MTCL2: variants seen among roughly 807,000 people sequenced by gnomAD.
MTCL2 encodes the protein microtubule crosslinking factor 2, also known as microtubule cross-linking factor 2.
the MTCL2 span, among the ~76,000 whole-genome samples, chr20:36,857,279 GTGTTTCTGACGTGGGGGT>G: frequency 6.6e-6 from 1 of 152,156 alleles, no homozygotes; most frequent in East Asian, 1.9e-4. Flanking sequence ...ATATGAGAAT[GTGTTTCTGACGTGGGGGT>G]TGCAGCAGGG....
At chr20:36,796,642 G>T in the MTCL2 span, among the ~76,000 whole-genome samples, 1 of 152,228 alleles carries the variant, frequency 6.6e-6, no homozygotes, top group Non-Finnish European at 1.5e-5. Flanking sequence ...ACATGCAGCA[G>T]CCTGGAATTC....
the MTCL2 span, among the ~76,000 whole-genome samples, chr20:36,845,762 G>A: frequency 3.3e-5 from 5 of 152,190 alleles, no homozygotes; most frequent in Non-Finnish European, 7.3e-5. Flanking sequence ...AGAATGTTCT[G>A]GGGCTCTGTG....
the MTCL2 span, chr20:36,862,824 G>T: frequency 1.5e-6 from 2 of 1,331,088 alleles, no homozygotes; most frequent in African/African-American, 1.5e-5. Flanking sequence ...GTCCGGGGAG[G>T]CGGGCGGCCG....
the MTCL2 span, among the ~76,000 whole-genome samples, chr20:36,860,976 C>T: frequency 6.6e-6 from 1 of 152,200 alleles, no homozygotes; most frequent in African/African-American, 2.4e-5. Flanking sequence ...GTGCCTCAAA[C>T]AGACTTTGGG....
the MTCL2 span, chr20:36,815,448 T>C: frequency 1.2e-6 from 2 of 1,609,732 alleles, no homozygotes; most frequent in Non-Finnish European, 1.7e-6. The surrounding 1 kb of genome is among the most constrained non-coding windows in gnomAD (Gnocchi z 5.3). Context: ...ATCGATGGCC[T>C]TACTGACCAG....
the MTCL2 span, chr20:36,793,590 C>A: frequency 6.4e-7 from 1 of 1,551,690 alleles, no homozygotes. This position sits in a 1 kb window ranked among gnomAD's most constrained non-coding sequence, Gnocchi z 6.8. Flanking sequence ...TGCTCCACCA[C>A]ACTGAAGAGG....
chr20:36,853,861 G>T, the MTCL2 span, among the ~76,000 whole-genome samples: 1 of 152,108 alleles, frequency 6.6e-6, no homozygotes, highest in African/African-American at 2.4e-5. Context: ...CAGGCCCTAC[G>T]GCCTCTGGGG....
the MTCL2 span, among the ~76,000 whole-genome samples, chr20:36,789,152 G>A: frequency 6.6e-6 from 1 of 152,158 alleles, no homozygotes; most frequent in Non-Finnish European, 1.5e-5. Context: ...TCAATGGGTA[G>A]CACGCACATT....
chr20:36,787,526 A>C, the MTCL2 span, among the ~76,000 whole-genome samples: 1 of 152,120 alleles, frequency 6.6e-6, no homozygotes, highest in South Asian at 2.1e-4. Context: ...CCTGGCCCCA[A>C]TTCACTTTTT....
chr20:36,835,831 C>A, the MTCL2 span, among the ~76,000 whole-genome samples: 6 of 152,156 alleles, frequency 3.9e-5, no homozygotes, highest in Non-Finnish European at 7.4e-5. Flanking sequence ...GAGCCACACA[C>A]CCGCTCCCCA....
At chr20:36,796,689 G>C in the MTCL2 span, among the ~76,000 whole-genome samples, 1 of 152,142 alleles carries the variant, frequency 6.6e-6, no homozygotes, top group Non-Finnish European at 1.5e-5. Context: ...GAGTGGCTCG[G>C]GTTCCAGAGA....
At chr20:36,804,729 G>A in the MTCL2 span, 3 of 1,611,292 alleles carry the variant, frequency 1.9e-6, no homozygotes, top group African/African-American at 2.7e-5. Flanking sequence ...CAGGTGGGGG[G>A]CTCACCTGGG....
At chr20:36,823,866 G>C in the MTCL2 span, among the ~76,000 whole-genome samples, 1 of 152,096 alleles carries the variant, frequency 6.6e-6, no homozygotes, top group Admixed American at 6.6e-5. Context: ...TATCATTTCC[G>C]CAAGGTTACA....
At chr20:36,833,824 C>G in the MTCL2 span, among the ~76,000 whole-genome samples, 1 of 151,516 alleles carries the variant, frequency 6.6e-6, no homozygotes, top group South Asian at 2.1e-4. Context: ...CGTACTGCAG[C>G]CTGGGTGACA....
chr20:36,848,266 C>G, the MTCL2 span, among the ~76,000 whole-genome samples: 14 of 152,326 alleles, frequency 9.2e-5, no homozygotes, highest in African/African-American at 3.4e-4. Flanking sequence ...CTCACCCACC[C>G]ACTCCCTGCC....
At chr20:36,863,228 G>A in the MTCL2 span, 1 of 1,201,728 alleles carries the variant, frequency 8.3e-7, no homozygotes, top group African/African-American at 1.6e-5. The surrounding 1 kb of genome is among the most constrained non-coding windows in gnomAD (Gnocchi z 6.2). Flanking sequence ...CCACGTCTTT[G>A]GGCCGGGCCG....
the MTCL2 span, among the ~76,000 whole-genome samples, chr20:36,814,594 T>A: frequency 6.6e-6 from 1 of 151,660 alleles, no homozygotes; most frequent in African/African-American, 2.4e-5. Flanking sequence ...ACAAAAAAAT[T>A]TAAAAATTAT....
the MTCL2 span, among the ~76,000 whole-genome samples, chr20:36,845,316 AG>A: frequency 1.3e-5 from 2 of 152,264 alleles, no homozygotes; most frequent in South Asian, 2.1e-4. Context: ...GACACAGAGC[AG>A]GATCTCAGCA....
the MTCL2 span, among the ~76,000 whole-genome samples, chr20:36,801,179 T>A: frequency 6.6e-6 from 1 of 152,160 alleles, no homozygotes; most frequent in Non-Finnish European, 1.5e-5. Flanking sequence ...TAGCTGGGAC[T>A]ACAGGCACAC....
Sources: allele counts gnomAD v4.1 joint callset (sites outside exome capture counted in the v4.1 genomes callset), GRCh38; gene constraint gnomAD v4.1.1; non-coding constraint Gnocchi (gnomAD v3.1); transcripts MANE v1.5; gene names NCBI Gene and HGNC (gene_info 2026-07-23, HGNC 2026-07-21).